The following ZMAT5 variants were observed in gnomAD, a reference collection of about 807,000 sequenced individuals.
ZMAT5 encodes zinc finger matrin-type 5, also known as zinc finger matrin-type protein 5.
A neutral mutation model predicts 28.0 loss-of-function variants in ZMAT5; 23 were observed. The ratio of observed to expected loss-of-function variants is 0.82; its 90% CI spans 0.59 to 1.16. The LOEUF is 1.16. ZMAT5 is among the 50% of genes most tolerant of loss of function. ZMAT5 has a pLI of 0.00. For synonymous variants in ZMAT5, 76 were observed against 84.1 expected (o/e 0.90, Z 0.52); for missense variants, 173 against 212.7 (o/e 0.81, Z 1.16).
chr22:29,750,925 AACAG>A (rs1309937716), intron 1 of ZMAT5, among the ~76,000 whole-genome samples: 44 of 152,326 alleles, frequency 2.9e-4, no homozygotes, highest in South Asian at 6.2e-4. Context: ...TGGGATCAGG[AACAG>A]ACAGTCATTC....
At chr22:29,740,583 C>G (rs1292599564) in intron 4 of ZMAT5, 67 bp downstream of exon 4, 1 of 1,492,504 alleles carries the variant, frequency 6.7e-7, no homozygotes, top group Non-Finnish European at 9.1e-7. Context: ...GGCCAGCTTC[C>G]CCGGTCTCAG....
chr22:29,744,668 G>A (rs1473859118), intron 2 of ZMAT5, among the ~76,000 whole-genome samples: 7 of 152,202 alleles, frequency 4.6e-5, no homozygotes, highest in Non-Finnish European at 7.4e-5. Flanking sequence ...CTTGGGGTGG[G>A]AGAAGAATTC....
rs773465589 is a variant in ZMAT5 at position 29,731,265 on chromosome 22, G to C, written c.473C>G (p.Pro158Arg). 1.8e-5 allele frequency: 28 copies of C among 1,519,210 alleles called. No individual in the cohort carries two copies. In the Admixed American group the frequency reaches 1.9e-4, roughly 10 times the overall value. 94.1% of individuals were successfully genotyped at this position (1,519,210 alleles called of 1,614,324 possible). A position where few individuals can be genotyped will look rare whatever the true frequency, so the allele number is the denominator to read the frequency against. ...ELPPSLRAPP[P>R]GGWPLQPRVQ... ...TCTGGGCTGCAGAGGCCACCCCCCAGGTGGGGGTGCCCGCAGGGATGGAGG... is the reference window on the plus strand; with the variant it reads ...TCTGGGCTGCAGAGGCCACCCCCCACGTGGGGGTGCCCGCAGGGATGGAGG... The change falls in exon 6 of 6, where the codon CCT (proline) becomes CGT (arginine). Residue 158 changes from proline to arginine, a missense_variant. By Grantham distance (103) the Pro-to-Arg change is moderately radical. Coordinates refer to ENST00000344318, the MANE Select transcript of ZMAT5 (RefSeq NM_001003692.2).
chr22:29,766,245 C>T (rs930107919), intron 1 of ZMAT5, among the ~76,000 whole-genome samples: 3 of 152,196 alleles, frequency 2.0e-5, no homozygotes, highest in Non-Finnish European at 2.9e-5. Context: ...CACTCTACTT[C>T]TTTCCCTCAA....
intron 1 of ZMAT5, among the ~76,000 whole-genome samples, chr22:29,761,646 T>C (rs1290446192): frequency 6.6e-6 from 1 of 152,106 alleles, no homozygotes; most frequent in African/African-American, 2.4e-5. Context: ...ATGTGCTCCT[T>C]ATGAGAATCT....
At chr22:29,751,468 A>G (rs780963285) in intron 1 of ZMAT5, among the ~76,000 whole-genome samples, 2 of 152,242 alleles carry the variant, frequency 1.3e-5, no homozygotes, top group Admixed American at 6.5e-5. Flanking sequence ...CTAGTGGTTT[A>G]TTGAATACCT....
intron 1 of ZMAT5, among the ~76,000 whole-genome samples, chr22:29,760,850 T>G (rs547955113): frequency 7.2e-5 from 11 of 152,310 alleles, no homozygotes; most frequent in Admixed American, 2.0e-4. Flanking sequence ...AGCTGTTTTC[T>G]TACTAGATAA....
chr22:29,749,695 C>T (rs1022760093), intron 1 of ZMAT5, among the ~76,000 whole-genome samples: 4 of 152,102 alleles, frequency 2.6e-5, no homozygotes, highest in African/African-American at 7.2e-5. Flanking sequence ...AATTGTAATC[C>T]CCATAATCCC....
intron 1 of ZMAT5, among the ~76,000 whole-genome samples, chr22:29,752,174 T>C (rs762542299): frequency 6.6e-6 from 1 of 152,076 alleles, no homozygotes; most frequent in Non-Finnish European, 1.5e-5. Flanking sequence ...GGCCTCAGGG[T>C]ACCTGGGGCT....
chr22:29,761,269 CAAA>C (rs131283), intron 1 of ZMAT5, among the ~76,000 whole-genome samples: 1 of 59,522 alleles, frequency 1.7e-5, no homozygotes, highest in African/African-American at 7.4e-5. Flanking sequence ...AACTCCGTCT[CAAA>C]AAAAAAAAAA....
intron 5 of ZMAT5, among the ~76,000 whole-genome samples, chr22:29,737,884 C>T (rs2067920977): frequency 1.0e-5 from 1 of 98,210 alleles, no homozygotes; most frequent in Non-Finnish European, 2.0e-5. Flanking sequence ...GCAGTGGGAC[C>T]AGGACCTCGT....
At chr22:29,739,761 C>A (rs958166779) in intron 4 of ZMAT5, among the ~76,000 whole-genome samples, 8 of 152,260 alleles carry the variant, frequency 5.3e-5, no homozygotes, top group African/African-American at 1.2e-4. Context: ...GCCAGTCCCA[C>A]AAGGCCTTGC....
chr22:29,759,365 A>T (rs544271862), intron 1 of ZMAT5, among the ~76,000 whole-genome samples: 56 of 152,124 alleles, frequency 3.7e-4, no homozygotes, highest in Admixed American at 3.3e-4. Flanking sequence ...TGGACTCCTC[A>T]CATCTGGACA....
chr22:29,753,506 C>G (rs1416058901), intron 1 of ZMAT5, among the ~76,000 whole-genome samples: 1 of 152,006 alleles, frequency 6.6e-6, no homozygotes, highest in Non-Finnish European at 1.5e-5. Context: ...GCCTGGGTGA[C>G]AGAGCAAGAC....
chr22:29,757,651 G>A (rs755444722), intron 1 of ZMAT5, among the ~76,000 whole-genome samples: 1 of 152,156 alleles, frequency 6.6e-6, no homozygotes, highest in African/African-American at 2.4e-5. Flanking sequence ...CTCCAAGCTG[G>A]GTCAGGGTTG....
intron 2 of ZMAT5, among the ~76,000 whole-genome samples, chr22:29,745,497 C>G (rs918651034): frequency 1.3e-5 from 2 of 152,188 alleles, no homozygotes; most frequent in Non-Finnish European, 2.9e-5. Context: ...CTGGGAGCCG[C>G]GGACATGCTG....
At chr22:29,742,288 T>A in intron 3 of ZMAT5, 130 bp downstream of exon 3, 1 of 845,250 alleles carries the variant, frequency 1.2e-6, no homozygotes, top group South Asian at 1.5e-5. Context: ...GCCAGTCAGC[T>A]GGAGCCACTG....
chr22:29,759,377 C>A (rs887201704), intron 1 of ZMAT5, among the ~76,000 whole-genome samples: 9 of 152,134 alleles, frequency 5.9e-5, no homozygotes, highest in African/African-American at 1.9e-4. Context: ...ATCTGGACAG[C>A]CCCCTCCATT....
intron 2 of ZMAT5, among the ~76,000 whole-genome samples, chr22:29,745,668 A>G (rs2068002703): frequency 6.6e-6 from 1 of 152,242 alleles, no homozygotes; most frequent in African/African-American, 2.4e-5. Flanking sequence ...TGTTTTATAC[A>G]TGACAAAATG....
Sources: gnomAD v4.1 joint callset for allele counts (sites outside exome capture counted in the v4.1 genomes callset) on GRCh38, gnomAD v4.1.1 for gene constraint, MANE v1.5 for transcripts, NCBI Gene and HGNC (gene_info 2026-07-23, HGNC 2026-07-21) for gene names.